The following TEX9 variants were observed in gnomAD, a reference collection of about 807,000 sequenced individuals.
TEX9 encodes the protein testis-expressed protein 9.
Under a neutral mutation model 59.6 loss-of-function variants are expected in TEX9, and 74 were observed. That is an observed-to-expected ratio of 1.24 (90% CI 1.03 to 1.51). TEX9 has a LOEUF of 1.51. TEX9 is among the 40% of genes most tolerant of loss of function. TEX9 has a pLI of 0.00. For missense variants in TEX9, 522 were observed against 447.8 expected (o/e 1.17, Z -1.49); for synonymous variants, 186 against 152.2 (o/e 1.22, Z -1.64).
chr15:56,245,110 T>C lies in TEX9; in HGVS notation c.-107+832T>C, dbSNP rs565003290. Among the ~76,000 whole-genome samples the C allele has an allele frequency of 2.6e-5, 4 of 152,278 alleles. No homozygotes were observed. In the South Asian group the frequency reaches 6.2e-4, roughly 24 times the overall value. ...CCACTTTCCTGCTGTGTGTGGACTT[T>C]GGGCTGTGGGGCTCTGCCACCTTTT... On this transcript the variant is annotated intron_variant, in intron 1 of 5. Coordinates refer to the TEX9 transcript ENST00000560827.
intron 1 of TEX9, among the ~76,000 whole-genome samples, chr15:56,271,999 C>T (rs1216063861): frequency 6.6e-6 from 1 of 151,976 alleles, no homozygotes; most frequent in Admixed American, 6.6e-5. Flanking sequence ...ACAAAATTAG[C>T]TGGGCATGGG....
intron 4 of TEX9, among the ~76,000 whole-genome samples, chr15:56,387,392 T>A (rs2048010224): frequency 6.6e-6 from 1 of 151,950 alleles, no homozygotes; most frequent in Non-Finnish European, 1.5e-5. Flanking sequence ...CATTTTCATG[T>A]CATTTGTGAG....
At chr15:56,266,100 G>A (rs1443281957) in intron 1 of TEX9, among the ~76,000 whole-genome samples, 3 of 151,312 alleles carry the variant, frequency 2.0e-5, no homozygotes, top group Non-Finnish European at 4.4e-5. Context: ...TATATTCTTG[G>A]TGAATTGGTT....
intron 3 of TEX9, among the ~76,000 whole-genome samples, chr15:56,380,049 C>T (rs1291021412): frequency 1.3e-5 from 2 of 151,902 alleles, no homozygotes; most frequent in Non-Finnish European, 2.9e-5. Flanking sequence ...CTGATAAGGG[C>T]CTTAATCCTG....
chr15:56,267,112 T>C (rs116855163), intron 1 of TEX9, among the ~76,000 whole-genome samples: 6,702 of 152,280 alleles, frequency 0.044, 225 homozygotes, highest in Admixed American at 0.087. Context: ...CTGTTCACTG[T>C]ATAAATGTCT....
intron 4 of TEX9, among the ~76,000 whole-genome samples, chr15:56,384,743 A>T (rs1278147494): frequency 6.6e-6 from 1 of 152,212 alleles, no homozygotes; most frequent in African/African-American, 2.4e-5. Context: ...AATATTATGT[A>T]GTGGCAATGA....
chr15:56,393,947 T>C (rs867615376), intron 7 of TEX9: 3 of 361,030 alleles, frequency 8.3e-6, no homozygotes, highest in African/African-American at 2.2e-5. Context: ...TGCAAACTTA[T>C]GTGAATACTA....
the TEX9 span, among the ~76,000 whole-genome samples, chr15:56,451,769 A>G: frequency 6.6e-6 from 1 of 152,182 alleles, no homozygotes; most frequent in Admixed American, 6.5e-5. Context: ...TTGAAAATGT[A>G]GTTTATTGGG....
At chr15:56,436,538 T>C (rs1567148402) in intron 12 of TEX9, among the ~76,000 whole-genome samples, 1 of 151,984 alleles carries the variant, frequency 6.6e-6, no homozygotes, top group Admixed American at 6.6e-5. Flanking sequence ...AACATCACAA[T>C]TAAAAGAACT....
At chr15:56,426,626 TACACAC>T (rs1186314291) in intron 10 of TEX9, among the ~76,000 whole-genome samples, 2 of 47,202 alleles carry the variant, frequency 4.2e-5, no homozygotes, top group Admixed American at 3.4e-4. Flanking sequence ...TATATATATA[TACACAC>T]ACACAAACAC....
At chr15:56,369,380 G>T (rs2047088005) in intron 2 of TEX9, among the ~76,000 whole-genome samples, 1 of 151,260 alleles carries the variant, frequency 6.6e-6, no homozygotes, top group Non-Finnish European at 1.5e-5. Context: ...TTGAGACAGG[G>T]TCTCACCCTG....
chr15:56,410,713 T>A (rs1254442814), intron 9 of TEX9, among the ~76,000 whole-genome samples: 1 of 152,200 alleles, frequency 6.6e-6, no homozygotes, highest in Non-Finnish European at 1.5e-5. Flanking sequence ...TGGTTTTCAT[T>A]TTCCTGTGAA....
intron 3 of TEX9, among the ~76,000 whole-genome samples, chr15:56,376,528 A>G (rs2047460432): frequency 6.6e-6 from 1 of 151,952 alleles, no homozygotes; most frequent in South Asian, 2.1e-4. Context: ...ACCTTTTTTT[A>G]TGCCTGTTTG....
chr15:56,351,939 A>G (rs760905583), intron 1 of TEX9, among the ~76,000 whole-genome samples: 11 of 152,190 alleles, frequency 7.2e-5, no homozygotes, highest in Non-Finnish European at 1.5e-4. Flanking sequence ...TTTAACTCCC[A>G]GTACATAACT....
At chr15:56,352,530 G>A (rs2046604870) in intron 1 of TEX9, among the ~76,000 whole-genome samples, 1 of 152,090 alleles carries the variant, frequency 6.6e-6, no homozygotes, top group Non-Finnish European at 1.5e-5. Flanking sequence ...TGGGATTACA[G>A]GAGTGAGCCA....
In TEX9 at chr15:56,309,693, G is replaced by GTTTATTT. The variant is rs1290352080; in HGVS notation, c.-106-63745_-106-63744insATTTTTT. Among the ~76,000 whole-genome samples the GTTTATTT allele has an allele frequency of 7.3e-3, 443 of 60,776 alleles. 3 individuals carry two copies. The highest frequency in any genetic ancestry group is 9.2e-3 in the Non-Finnish European group (329 of 35,712). The allele number at this position is 60,776 out of a possible 152,430, so 39.9% of individuals were successfully genotyped here. On this transcript the variant is annotated intron_variant, in intron 1 of 5. Transcript: ENST00000560827. ...TCTGGGCCTGGGATTTTTATGGGAAGTTTTTTTTTTTTTTTTTTTTTTTTT... is the reference window on the plus strand; with the variant it reads ...TCTGGGCCTGGGATTTTTATGGGAAGTTTATTTTTTTTTTTTTTTTTTTTTTTTTTTT...
rs547603780 is a variant in TEX9, at chr15:56,270,550, T to G, written c.-107+26272T>G. Among the ~76,000 whole-genome samples the G allele has an allele frequency of 2.6e-4, 40 of 152,356 alleles. 1 individual carries two copies. In the South Asian group the frequency reaches 8.1e-3, roughly 31 times the overall value. The stretch of plus-strand genomic sequence containing the variant: ...TTGACACTATGTGTGTCTCTGCATG[T>G]GAATACAGCACACTGATGGGTCTTG... On this transcript the variant is annotated intron_variant, in intron 1 of 5. Transcript: ENST00000560827.
At position 56,257,352 on chromosome 15, in the gene TEX9, C is replaced by A. The variant is rs149775865; in HGVS notation, c.-107+13074C>A. ...CTGAATGTTATTTCTGTCTCTAAGT[C>A]TTTGAGGAATCACCACACTGTCTTC... On this transcript the variant is annotated intron_variant, in intron 1 of 5. Transcript: ENST00000560827. 1.1e-4 allele frequency among the ~76,000 whole-genome samples: 16 copies of A among 152,248 alleles called. No homozygotes were observed. The East Asian group carries it at 2.1e-3, about 20-fold the overall frequency.
At chr15:56,365,325 C>A, upstream of TEX9, 1 of 1,307,422 alleles carries the variant, frequency 7.6e-7, no homozygotes, top group Non-Finnish European at 1.0e-6. Flanking sequence ...CAGAGGCTCG[C>A]GCCGCTCGCA....
Sources: allele counts gnomAD v4.1 joint callset (sites outside exome capture counted in the v4.1 genomes callset), GRCh38; gene constraint gnomAD v4.1.1; transcripts MANE v1.5; gene names NCBI Gene and HGNC (gene_info 2026-07-23, HGNC 2026-07-21).